The following MYO16 variants were observed in gnomAD, a reference collection of about 807,000 sequenced individuals.
MYO16 encodes unconventional myosin-XVI.
In MYO16, 94 loss-of-function variants were observed where a neutral mutation model predicts 205.3. The observed-to-expected ratio is 0.46, with a 90% CI of 0.39 to 0.54. The LOEUF is 0.54. Among genes scored for constraint, MYO16 ranks in the 20% least tolerant of loss-of-function variants. The pLI is 0.00. For missense variants in MYO16, 2,315 were observed against 2,387.5 expected (o/e 0.97, Z 0.63); for synonymous variants, 988 against 954.0 (o/e 1.04, Z -0.66).
intron 1 of MYO16, among the ~76,000 whole-genome samples, chr13:108,646,354 A>G (rs1880755340): frequency 6.6e-6 from 1 of 152,174 alleles, no homozygotes; most frequent in Non-Finnish European, 1.5e-5. Flanking sequence ...TTATTAATAT[A>G]TTCAGAAAAA....
intron 27 of MYO16, among the ~76,000 whole-genome samples, chr13:109,096,964 G>A (rs1052620257): frequency 6.6e-6 from 1 of 152,118 alleles, no homozygotes; most frequent in Non-Finnish European, 1.5e-5. Context: ...TGAACACATT[G>A]TACAGTTATA....
chr13:108,855,290 T>TA, intron 10 of MYO16, 153 bp from the exon 11 acceptor site: 24 of 393,816 alleles, frequency 6.1e-5, no homozygotes, highest in Non-Finnish European at 6.3e-5. Context: ...TTTTTTTTTT[T>TA]CTTTTTCATT....
intron 7 of MYO16, among the ~76,000 whole-genome samples, chr13:108,810,741 A>G (rs1036206608): frequency 2.1e-4 from 32 of 152,188 alleles, no homozygotes; most frequent in Admixed American, 2.0e-3. Context: ...TGAACATTTT[A>G]GAGAGACTAA....
chr13:108,751,707 T>C (rs958721926), intron 4 of MYO16, among the ~76,000 whole-genome samples: 3 of 152,088 alleles, frequency 2.0e-5, no homozygotes, highest in African/African-American at 7.3e-5. Flanking sequence ...ACCCTTCATG[T>C]GATGTCATGG....
intron 3 of MYO16, among the ~76,000 whole-genome samples, chr13:108,725,066 T>C (rs1412630426): frequency 1.3e-5 from 2 of 152,188 alleles, no homozygotes; most frequent in Non-Finnish European, 2.9e-5. Context: ...CATCTTTTCT[T>C]CTGAAATATC....
chr13:108,510,440 T>TA, the MYO16 span, among the ~76,000 whole-genome samples: 1 of 136,116 alleles, frequency 7.3e-6, no homozygotes, highest in Non-Finnish European at 1.6e-5. Context: ...TTTTTTTTTT[T>TA]TATATTTAAC....
In MYO16 at chr13:108,666,092, C is replaced by G; in HGVS notation, c.235C>G (p.His79Asp). Residue 79 changes from histidine to aspartate, a missense_variant, in exon 2 of 35, where the codon CAC becomes GAC. Physicochemically the swap from His to Asp is moderately conservative, Grantham distance 81 (BLOSUM62 -1). Transcript: ENST00000457511. ...GAAGCATGCGAAGAATCCGAAAGTT[C>G]ACTTCAACCTCACGGACATGCTACA... ...RLKHAKNPKVHFNLTDMLQDA... is the reference protein window; with the variant it reads ...RLKHAKNPKVDFNLTDMLQDA... 1 of 1,614,004 alleles carries G rather than the reference C, an allele frequency of 6.2e-7. No individual in the cohort carries two copies. The highest frequency in any genetic ancestry group is 8.5e-7 in the Non-Finnish European group (1 of 1,179,918).
chr13:108,606,664 G>A (rs758339966), intron 1 of MYO16, among the ~76,000 whole-genome samples: 31 of 152,192 alleles, frequency 2.0e-4, no homozygotes, highest in Non-Finnish European at 3.2e-4. Context: ...AGGGCAGTGC[G>A]GAAGGGAAAT....
the MYO16 span, among the ~76,000 whole-genome samples, chr13:108,579,441 AT>A: frequency 7.5e-3 from 1,042 of 139,420 alleles, 15 homozygotes; most frequent in Middle Eastern, 0.027. Flanking sequence ...AAAGGCAAGA[AT>A]TTTTTTTTTT....
chr13:109,205,138 C>T (rs974061095), intron 34 of MYO16, among the ~76,000 whole-genome samples: 1 of 152,160 alleles, frequency 6.6e-6, no homozygotes, highest in Non-Finnish European at 1.5e-5. Context: ...ACTGAGTAAC[C>T]ATAGTCCTCT....
intron 32 of MYO16, 68 bp from the exon 33 acceptor site, chr13:109,164,833 A>G (rs545296292): frequency 2.2e-5 from 17 of 767,812 alleles, no homozygotes; most frequent in Admixed American, 1.1e-4. Context: ...ATTTTCTCCA[A>G]ATGTTTTATT....
chr13:109,071,313 T>G (rs1887919434), intron 27 of MYO16, among the ~76,000 whole-genome samples: 1 of 152,178 alleles, frequency 6.6e-6, no homozygotes, highest in Admixed American at 6.6e-5. Flanking sequence ...TAACTTTATA[T>G]TAGAAAGAAA....
chr13:108,556,208 G>A, the MYO16 span, among the ~76,000 whole-genome samples: 282 of 151,872 alleles, frequency 1.9e-3, no homozygotes, highest in African/African-American at 6.7e-3. Flanking sequence ...ATATTTTCAG[G>A]AACTTTCACA....
chr13:108,875,345 A>G (rs1017671236), intron 12 of MYO16, among the ~76,000 whole-genome samples: 4 of 152,222 alleles, frequency 2.6e-5, no homozygotes, highest in African/African-American at 7.2e-5. Context: ...CCAATAAAAA[A>G]GTTAGATGGC....
At position 108,899,433 on chromosome 13, in the gene MYO16, A is replaced by G. The variant is rs77828375; in HGVS notation, c.1777+1300A>G. Among the ~76,000 whole-genome samples, 63 of 152,290 alleles carry G rather than the reference A, an allele frequency of 4.1e-4. 1 individual carries two copies. The East Asian group carries it at 0.012, about 28-fold the overall frequency. ...AGCCAAACTCCATCTCAAAAAAAAA[A>G]AAAGAAAGAAAGAAAAGATGCTTTT... On this transcript the variant is annotated intron_variant, in intron 15 of 34. Transcript: ENST00000457511.
At position 108,908,987 on chromosome 13, in the gene MYO16, A is replaced by T. The variant is rs1338847175; in HGVS notation, c.1778-1016A>T. 3.8e-3 allele frequency among the ~76,000 whole-genome samples: 571 copies of T among 148,902 alleles called. 5 individuals are homozygous for T. Among genetic ancestry groups the T allele is most frequent in the Middle Eastern group, 0.01 (3 of 288 alleles). ...GACTGTGTCTCAAAAAAAATAAAAT[A>T]AAATAAATAAATAAATAAATAAATA... On this transcript the variant is annotated intron_variant, in intron 15 of 34. Coordinates refer to ENST00000457511, the MANE Select transcript of MYO16 (RefSeq NM_001198950.3).
At chr13:108,883,310 T>C (rs944189143) in intron 13 of MYO16, 124 bp downstream of exon 13, 5 of 1,228,052 alleles carry the variant, frequency 4.1e-6, no homozygotes, top group Non-Finnish European at 4.5e-6. Flanking sequence ...CCAGTATATC[T>C]TTGCAATAAG....
intron 16 of MYO16, among the ~76,000 whole-genome samples, chr13:108,955,131 C>G (rs1814469370): frequency 1.3e-5 from 2 of 152,194 alleles, no homozygotes; most frequent in African/African-American, 4.8e-5. Flanking sequence ...TGCCCTGCTC[C>G]CCTGAGATGG....
At chr13:108,808,180 A>T (rs6492149) in intron 7 of MYO16, among the ~76,000 whole-genome samples, 3 of 151,884 alleles carry the variant, frequency 2.0e-5, no homozygotes, top group African/African-American at 7.3e-5. Flanking sequence ...CCTTTTTCTC[A>T]GAAATGCATA....
Sources: allele counts gnomAD v4.1 joint callset (sites outside exome capture counted in the v4.1 genomes callset), GRCh38; gene constraint gnomAD v4.1.1; transcripts MANE v1.5; gene names NCBI Gene and HGNC (gene_info 2026-07-23, HGNC 2026-07-21).